CHST9: variants seen among roughly 807,000 people sequenced by gnomAD.
The protein encoded by CHST9 is GalNAc-4-sulfotransferase 2.
Under a neutral mutation model 44.4 loss-of-function variants are expected in CHST9, and 41 were observed. The observed-to-expected ratio is 0.92, with a 90% CI of 0.72 to 1.20. The LOEUF (loss-of-function observed/expected upper bound fraction) is 1.20. CHST9 is among the 50% of genes most tolerant of loss of function. The pLI is 0.00. For missense variants in CHST9, 504 were observed against 516.5 expected, an observed-to-expected ratio of 0.98 and a Z score of 0.23; for synonymous variants, 171 against 178.4, an observed-to-expected ratio of 0.96 and a Z score of 0.33.
chr18:26,937,888 A>G (rs1438223305), intron 5 of CHST9, among the ~76,000 whole-genome samples: 1 of 152,222 alleles, frequency 6.6e-6, no homozygotes, highest in Non-Finnish European at 1.5e-5. Flanking sequence ...TCTGATTTCA[A>G]GCCTGAGTTT....
intron 2 of CHST9, among the ~76,000 whole-genome samples, chr18:27,062,100 G>T (rs768326753): frequency 2.6e-5 from 4 of 152,110 alleles, no homozygotes; most frequent in Non-Finnish European, 5.9e-5. Flanking sequence ...GCACTCTGCT[G>T]CAGCGTTCCT....
At chr18:26,947,141 CTA>C (rs965953615) in intron 4 of CHST9, among the ~76,000 whole-genome samples, 8 of 152,294 alleles carry the variant, frequency 5.3e-5, no homozygotes, top group African/African-American at 1.9e-4. Context: ...TTGATTCTTC[CTA>C]TCCATGGGCA....
intron 4 of CHST9, among the ~76,000 whole-genome samples, chr18:26,951,074 G>T (rs540146776): frequency 6.6e-6 from 1 of 152,170 alleles, no homozygotes; most frequent in Non-Finnish European, 1.5e-5. Context: ...AAACAAAGCA[G>T]AATAAACTGC....
At chr18:27,066,309 T>C (rs2057781791) in intron 2 of CHST9, among the ~76,000 whole-genome samples, 1 of 152,342 alleles carries the variant, frequency 6.6e-6, no homozygotes, top group South Asian at 2.1e-4. Context: ...CTGTCCTCTC[T>C]GGACTTCCAT....
chr18:27,030,493 A>G lies in CHST9; in HGVS notation c.161-6336T>C, dbSNP rs551978952. 1.6e-4 allele frequency among the ~76,000 whole-genome samples: 25 copies of G among 152,368 alleles called. No homozygotes were observed. The South Asian group carries it at 5.2e-3, about 32-fold the overall frequency. ...ATTGTAAAATTAGTTAATTAAAAGG[A>G]AACACAAGCTTAAAAGACGGCGAGA... On this transcript the variant is annotated intron_variant, in intron 3 of 5. Coordinates refer to ENST00000618847, the MANE Select transcript of CHST9 (RefSeq NM_031422.6).
intron 2 of CHST9, among the ~76,000 whole-genome samples, chr18:27,127,938 G>A (rs1221900303): frequency 6.6e-6 from 1 of 152,168 alleles, no homozygotes; most frequent in African/African-American, 2.4e-5. Context: ...ACAGAGGAGA[G>A]GTGATCTGCA....
intron 2 of CHST9, among the ~76,000 whole-genome samples, chr18:27,056,407 T>G (rs1050610074): frequency 7.2e-5 from 11 of 152,156 alleles, no homozygotes; most frequent in African/African-American, 2.7e-4. Context: ...TTAGCTGTGG[T>G]GATTAAGGAC....
chr18:26,945,262 A>G (rs1218925598), intron 4 of CHST9, among the ~76,000 whole-genome samples: 1 of 152,228 alleles, frequency 6.6e-6, no homozygotes, highest in Non-Finnish European at 1.5e-5. Context: ...GAAATAATGC[A>G]GAGAGATCTC....
intron 2 of CHST9, among the ~76,000 whole-genome samples, chr18:27,095,026 G>A (rs1187681512): frequency 6.6e-6 from 1 of 152,134 alleles, no homozygotes; most frequent in African/African-American, 2.4e-5. Flanking sequence ...CAGGTTAGTT[G>A]ACATTAAAAA....
chr18:27,050,812 G>C (rs2057557420), intron 2 of CHST9, among the ~76,000 whole-genome samples: 1 of 152,146 alleles, frequency 6.6e-6, no homozygotes, highest in Non-Finnish European at 1.5e-5. Flanking sequence ...GAATACTAGA[G>C]GCCTCGGACA....
At chr18:27,087,052 T>G (rs1299223587) in intron 2 of CHST9, among the ~76,000 whole-genome samples, 5 of 152,206 alleles carry the variant, frequency 3.3e-5, no homozygotes, top group Non-Finnish European at 7.3e-5. Context: ...GTGTGTGTTA[T>G]ACTGTCTTGA....
chr18:27,117,135 T>C (rs559781981), intron 2 of CHST9, among the ~76,000 whole-genome samples: 11 of 152,214 alleles, frequency 7.2e-5, no homozygotes, highest in African/African-American at 2.6e-4. Context: ...AATGAAGCAA[T>C]ATATAAGAAG....
chr18:27,049,429 G>C (rs1178451130), intron 2 of CHST9, among the ~76,000 whole-genome samples: 1 of 152,116 alleles, frequency 6.6e-6, no homozygotes, highest in Admixed American at 6.6e-5. Context: ...ATGGGGACAA[G>C]GAGCTTGTAA....
At chr18:26,942,230 C>G (rs558984427) in intron 5 of CHST9, among the ~76,000 whole-genome samples, 1 of 152,246 alleles carries the variant, frequency 6.6e-6, no homozygotes, top group South Asian at 2.1e-4. Flanking sequence ...GTATAAGATA[C>G]CTTTTTGAAT....
intron 4 of CHST9, among the ~76,000 whole-genome samples, chr18:26,981,897 C>T (rs1481222168): frequency 6.6e-6 from 1 of 152,154 alleles, no homozygotes; most frequent in Non-Finnish European, 1.5e-5. Flanking sequence ...AAGTTCTTAT[C>T]AGCTCTCTCG....
chr18:27,040,468 A>G lies in CHST9; in HGVS notation c.160+7997T>C, dbSNP rs796602449. On this transcript the variant is annotated intron_variant, in intron 3 of 5. Transcript: ENST00000618847. ...GACCCCTGGTTCTGGTGTCCCCCAC[A>G]ACAGGTACCTCCCTTTGTGGGTCTC... 1.2e-4 allele frequency among the ~76,000 whole-genome samples: 19 copies of G among 152,220 alleles called. 1 individual carries two copies. The highest frequency in any genetic ancestry group is 4.3e-4 in the African/African-American group (18 of 41,550).
At chr18:27,080,093 T>C (rs1040758555) in intron 2 of CHST9, among the ~76,000 whole-genome samples, 4 of 152,066 alleles carry the variant, frequency 2.6e-5, no homozygotes, top group African/African-American at 4.8e-5. Context: ...CCAAGTTCTA[T>C]AGAGAGTTCA....
At chr18:27,153,546 C>CTCTG (rs1555628608) in intron 1 of CHST9, among the ~76,000 whole-genome samples, 20 of 138,502 alleles carry the variant, frequency 1.4e-4, no homozygotes, top group African/African-American at 5.3e-4. Context: ...CTCTCTCTCT[C>CTCTG]TGTGTGTGTG....
At chr18:27,080,692 G>C (rs952869868) in intron 2 of CHST9, among the ~76,000 whole-genome samples, 1 of 152,164 alleles carries the variant, frequency 6.6e-6, no homozygotes, top group Non-Finnish European at 1.5e-5. Flanking sequence ...CCACACACTG[G>C]AACTAGGGGC....
Sources: allele counts gnomAD v4.1 joint callset (sites outside exome capture counted in the v4.1 genomes callset), GRCh38; gene constraint gnomAD v4.1.1; transcripts MANE v1.5; gene names NCBI Gene and HGNC (gene_info 2026-07-23, HGNC 2026-07-21).